The following PPP2R5E variants were observed in gnomAD, a reference collection of about 807,000 sequenced individuals.
The protein encoded by PPP2R5E is serine/threonine-protein phosphatase 2A 56 kDa regulatory subunit epsilon isoform.
A neutral mutation model predicts 65.3 loss-of-function variants in PPP2R5E; 4 were observed. The ratio of observed to expected loss-of-function variants is 0.06; its 90% confidence interval spans 0.03 to 0.14. The LOEUF is 0.14. PPP2R5E is among the 10% of genes least tolerant of loss of function. The pLI is 1.00. For missense variants in PPP2R5E, 274 were observed against 556.1 expected, an observed-to-expected ratio of 0.49 and a Z score of 5.10; for synonymous variants, 183 against 187.4, an observed-to-expected ratio of 0.98 and a Z score of 0.19.
rs558475440 is a variant in PPP2R5E at position 63,379,826 on chromosome 14, C to CTTTTTTTT, written c.1304+2222_1304+2229dup. Among the ~76,000 whole-genome samples the CTTTTTTTT allele has an allele frequency of 6.6e-4, 66 of 100,270 alleles. 4 individuals carry two copies. Among genetic ancestry groups the CTTTTTTTT allele is most frequent in the African/African-American group, 3.2e-3 (61 of 19,160 alleles). The allele number at this position is 100,270 out of a possible 152,430, so 65.8% of individuals were successfully genotyped here. The stretch of plus-strand genomic sequence containing the variant: ...TAAGTTGTTCTTCAATATTCTCTCT[C>CTTTTTTTT]TTTTTTTTTTTTTTTTTTTTTTTTT... On this transcript the variant is annotated intron_variant, in intron 13 of 13. Transcript: ENST00000337537.
rs541791144 is a variant in PPP2R5E, at chr14:63,508,347, C to T, written c.157+31182G>A. 12 of 398,936 alleles carry T rather than the reference C, an allele frequency of 3.0e-5. No homozygotes were observed. The South Asian group carries it at 9.2e-4, about 31-fold the overall frequency. 24.7% of individuals were successfully genotyped at this position (398,936 alleles called of 1,614,324 possible). On this transcript the variant is annotated intron_variant, in intron 2 of 13. Coordinates refer to ENST00000337537, the MANE Select transcript of PPP2R5E (RefSeq NM_006246.5). ...CTCTCACAAAACAACTGCATATATT[C>T]GCTAGTTTCATAGGGACCACAATGG...
intron 3 of PPP2R5E, among the ~76,000 whole-genome samples, chr14:63,423,756 C>T (rs1887172728): frequency 1.3e-5 from 2 of 152,140 alleles, no homozygotes; most frequent in South Asian, 2.1e-4. Flanking sequence ...TATTAAGTGC[C>T]TATTACGTGT....
intron 13 of PPP2R5E, among the ~76,000 whole-genome samples, chr14:63,381,643 T>C (rs985236220): frequency 2.6e-5 from 4 of 152,238 alleles, no homozygotes; most frequent in African/African-American, 7.2e-5. Context: ...AATACAGTCA[T>C]GTGCCAAATA....
chr14:63,523,809 A>G (rs1893074021), intron 2 of PPP2R5E, among the ~76,000 whole-genome samples: 1 of 152,086 alleles, frequency 6.6e-6, no homozygotes, highest in African/African-American at 2.4e-5. Flanking sequence ...CCTCAAAAAA[A>G]CTCTTCACCT....
At chr14:63,376,223 T>C (rs1883975017) in intron 13 of PPP2R5E, 115 bp from the exon 14 acceptor site, 4 of 679,256 alleles carry the variant, frequency 5.9e-6, no homozygotes, top group Non-Finnish European at 9.4e-6. Flanking sequence ...ATTGAGAAAA[T>C]TAACTTTAAA....
intron 4 of PPP2R5E, 106 bp downstream of exon 4, chr14:63,421,887 C>A: frequency 1.2e-6 from 1 of 819,100 alleles, no homozygotes; most frequent in South Asian, 1.6e-5. Context: ...CATTAGTGTA[C>A]TCTAATTTGA....
chr14:63,471,344 A>G (rs1890123016), intron 2 of PPP2R5E, among the ~76,000 whole-genome samples: 1 of 152,226 alleles, frequency 6.6e-6, no homozygotes, highest in African/African-American at 2.4e-5. Flanking sequence ...ACTATAAGCA[A>G]TGTCAAAATA....
intron 11 of PPP2R5E, among the ~76,000 whole-genome samples, chr14:63,385,335 C>T (rs1337017422): frequency 6.6e-6 from 1 of 151,300 alleles, no homozygotes; most frequent in African/African-American, 2.4e-5. Context: ...TCTCCTCCCA[C>T]CAAAAAAAAA....
intron 2 of PPP2R5E, among the ~76,000 whole-genome samples, chr14:63,532,041 C>T (rs138757856): frequency 3.2e-4 from 48 of 152,250 alleles, no homozygotes; most frequent in Admixed American, 9.8e-4. Context: ...GATCTTAACC[C>T]GTTTTAAGTC....
intron 1 of PPP2R5E, among the ~76,000 whole-genome samples, chr14:63,540,722 C>CAA (rs554898958): frequency 0.018 from 1,671 of 91,740 alleles, 40 homozygotes; most frequent in African/African-American, 0.057. Context: ...AACTCCTTCT[C>CAA]AAAAAAAAAA....
rs766065280 is a variant in PPP2R5E, at chr14:63,382,133, A to G, written c.1227T>C (p.Asn409=). The G allele has an allele frequency of 6.8e-6, 11 of 1,614,002 alleles. No homozygotes were observed. Among genetic ancestry groups the G allele is most frequent in the Non-Finnish European group, 9.3e-6 (11 of 1,179,896 alleles). Residue 409 remains asparagine (N), a synonymous_variant, in exon 13 of 14, where the codon AAT becomes AAC. Coordinates refer to ENST00000337537, the MANE Select transcript of PPP2R5E (RefSeq NM_006246.5). ...WNPAIVALVY[N]VLKAFMEMNS... ...TCATTTCCATAAATGCCTTCAACAC[A>G]TTGTACACCAACGCCACAATAGCCC...
At chr14:63,514,741 C>T (rs1892598397) in intron 2 of PPP2R5E, among the ~76,000 whole-genome samples, 1 of 152,114 alleles carries the variant, frequency 6.6e-6, no homozygotes, top group African/African-American at 2.4e-5. Context: ...GAATATTGAC[C>T]ATTTCCCTGA....
At chr14:63,515,674 C>A (rs1038327695) in intron 2 of PPP2R5E, among the ~76,000 whole-genome samples, 12 of 151,784 alleles carry the variant, frequency 7.9e-5, no homozygotes, top group African/African-American at 2.9e-4. Flanking sequence ...GTGCCTGCCA[C>A]CATGCCTGGC....
At chr14:63,393,971 G>T in intron 7 of PPP2R5E, 43 bp from the exon 8 acceptor site, 1 of 1,138,350 alleles carries the variant, frequency 8.8e-7, no homozygotes, top group Non-Finnish European at 1.3e-6. Context: ...GTTACCACAA[G>T]TTGAACTGAG....
intron 11 of PPP2R5E, among the ~76,000 whole-genome samples, chr14:63,388,894 C>T (rs1884839482): frequency 6.6e-6 from 1 of 152,174 alleles, no homozygotes; most frequent in Non-Finnish European, 1.5e-5. Context: ...GGTGAGACAG[C>T]CAAAGAATCA....
intron 2 of PPP2R5E, among the ~76,000 whole-genome samples, chr14:63,520,164 T>A (rs1371208642): frequency 1.3e-5 from 2 of 151,918 alleles, no homozygotes; most frequent in East Asian, 3.9e-4. Flanking sequence ...GCCTCTGGAG[T>A]AGCTGGGACT....
intron 3 of PPP2R5E, among the ~76,000 whole-genome samples, chr14:63,426,347 CAGAG>C (rs958071882): frequency 5.3e-5 from 8 of 151,544 alleles, no homozygotes; most frequent in Non-Finnish European, 1.2e-4. Flanking sequence ...TGTCCGGCAT[CAGAG>C]AGGTTTATCA....
At position 63,373,886 on chromosome 14, in the gene PPP2R5E, AAGG is replaced by A. The variant is rs1883829261; in HGVS notation, c.*2120_*2122del. 1.3e-5 allele frequency: 2 copies of A among 152,142 alleles called. No individual in the cohort carries two copies. The highest frequency in any genetic ancestry group is 4.1e-4 in the South Asian group (2 of 4,834). The allele number at this position is 152,142 out of a possible 1,614,324, so 9.4% of individuals were successfully genotyped here. A position where few individuals can be genotyped will look rare whatever the true frequency, so the allele number is the denominator to read the frequency against. On this transcript the variant is annotated 3_prime_UTR_variant, in exon 14 of 14. Transcript: ENST00000337537. ...AAGGGCTAAAATGACAAGGGCTAAA[AAGG>A]AGAAGATTTGTTACAAATTTATTTT...
chr14:63,380,980 T>C (rs1488333681), intron 13 of PPP2R5E, among the ~76,000 whole-genome samples: 1 of 152,110 alleles, frequency 6.6e-6, no homozygotes, highest in East Asian at 1.9e-4. Context: ...AGCAAGACCC[T>C]GGGTATGAAC....
Sources: gnomAD v4.1 joint callset for allele counts (sites outside exome capture counted in the v4.1 genomes callset) on GRCh38, gnomAD v4.1.1 for gene constraint, MANE v1.5 for transcripts, NCBI Gene and HGNC (gene_info 2026-07-23, HGNC 2026-07-21) for gene names.